Variants in RRP12 observed in about 807,000 individuals in gnomAD.
RRP12 encodes the protein RRP12-like protein.
RRP12 carries 78 observed loss-of-function variants against 157.3 expected under a neutral mutation model. That is an observed-to-expected ratio of 0.50 (90% CI 0.41 to 0.60). The LOEUF (loss-of-function observed/expected upper bound fraction) is 0.60, where lower values mean the gene tolerates loss of function less well. RRP12 is among the 20% of genes least tolerant of loss of function. The probability of loss-of-function intolerance (pLI) is 0.00; values close to 1 mark genes in which losing one functional copy is unlikely to be tolerated. For synonymous variants in RRP12, 726 were observed against 670.9 expected, an observed-to-expected ratio of 1.08 and a Z score of -1.27; for missense variants, 1,521 against 1,679.9, an observed-to-expected ratio of 0.91 and a Z score of 1.65.
chr10:97,374,958 G>C (rs12355733), intron 15 of RRP12, among the ~76,000 whole-genome samples: 1 of 152,062 alleles, frequency 6.6e-6, no homozygotes, highest in East Asian at 1.9e-4. Context: ...ATGAGGAGCA[G>C]ACCCTGGGAA....
intron 2 of RRP12, among the ~76,000 whole-genome samples, chr10:97,398,531 G>C (rs1482161241): frequency 6.6e-6 from 1 of 150,588 alleles, no homozygotes; most frequent in Non-Finnish European, 1.5e-5. Context: ...TTTTTTAGTA[G>C]AGATGGGTTT....
chr10:97,398,088 C>T lies in RRP12; in HGVS notation c.370-1787G>A, dbSNP rs1461427136. Among the ~76,000 whole-genome samples the T allele has an allele frequency of 9.4e-5, 6 of 63,626 alleles. 1 individual carries two copies. Among genetic ancestry groups the T allele is most frequent in the Admixed American group, 4.3e-4 (2 of 4,612 alleles). The allele number at this position is 63,626 out of a possible 152,430, so 41.7% of individuals were successfully genotyped here. Reference sequence around the variant, plus strand: ...TTTGAGATGGAGTCTCGCTCTGTTGCCCAGGCCGGACTGCGGACTGCAGTG... The same window carrying T: ...TTTGAGATGGAGTCTCGCTCTGTTGTCCAGGCCGGACTGCGGACTGCAGTG... On this transcript the variant is annotated intron_variant, in intron 2 of 33. Transcript: ENST00000370992.
intron 31 of RRP12, among the ~76,000 whole-genome samples, chr10:97,359,968 G>A (rs1317942150): frequency 1.3e-5 from 2 of 152,258 alleles, no homozygotes; most frequent in Non-Finnish European, 2.9e-5. Context: ...CAGATGCAAA[G>A]CAAGGGCTCT....
chr10:97,373,607 A>G lies in RRP12; in HGVS notation c.1994T>C (p.Leu665Pro). The G allele has an allele frequency of 1.2e-6, 2 of 1,610,490 alleles. No homozygotes were observed. Among genetic ancestry groups the G allele is most frequent in the Non-Finnish European group, 1.7e-6 (2 of 1,178,004 alleles). Residue 665 changes from leucine to proline, a missense_variant, in exon 17 of 34, where the codon CTG (leucine) becomes CCG (proline). Coordinates refer to ENST00000370992, the MANE Select transcript of RRP12 (RefSeq NM_015179.4). ...PDLRVTVCQA[L>P]RTLITKGCQA... ...GCAGCCCTTGGTGATGAGGGTGCGCAGGGCCTGGCACACGGTGACCCTCAG... is the reference window on the plus strand; with the variant it reads ...GCAGCCCTTGGTGATGAGGGTGCGCGGGGCCTGGCACACGGTGACCCTCAG...
intron 4 of RRP12, among the ~76,000 whole-genome samples, chr10:97,392,308 C>G (rs1844830199): frequency 6.6e-6 from 1 of 151,642 alleles, no homozygotes; most frequent in Non-Finnish European, 1.5e-5. Context: ...ATCTCAAGAA[C>G]TTTTTCATCT....
chr10:97,367,285 G>T, intron 25 of RRP12, 153 bp from the exon 26 acceptor site: 1 of 649,798 alleles, frequency 1.5e-6, no homozygotes, highest in Non-Finnish European at 2.7e-6. Context: ...GCCCAGTCAT[G>T]CTTCCCTCGG....
At chr10:97,385,070 G>C (rs11189188) in intron 10 of RRP12, 96 bp downstream of exon 10, 7 of 700,212 alleles carry the variant, frequency 1.0e-5, no homozygotes, top group South Asian at 1.8e-5. Context: ...TGAAGGCCCT[G>C]AGGACCCCCC....
chr10:97,392,658 A>G (rs1014003840), intron 4 of RRP12, among the ~76,000 whole-genome samples: 6 of 150,730 alleles, frequency 4.0e-5, no homozygotes, highest in Non-Finnish European at 8.9e-5. Flanking sequence ...CATGACTTTT[A>G]ATTTTTATTA....
At chr10:97,388,813 C>G (rs556174644) in intron 6 of RRP12, among the ~76,000 whole-genome samples, 189 bp from the exon 7 acceptor site, 28 of 152,224 alleles carry the variant, frequency 1.8e-4, no homozygotes, top group Non-Finnish European at 5.9e-5. Context: ...GCAAGACAAA[C>G]CTCAGTTCAA....
In RRP12 at chr10:97,396,132, CCCA is replaced by C. The variant is rs1445327121; in HGVS notation, c.453+83_453+85del. ...CTGGTCAAGGTTGTCCTTCTCTACC[CCCA>C]CATGCCAGGGGCACTCATCTTCTCG... On this transcript the variant is annotated intron_variant, in intron 3 of 33. Transcript: ENST00000370992. 7.4e-6 allele frequency: 7 copies of C among 951,972 alleles called. No homozygotes were observed. In the African/African-American group the frequency reaches 9.7e-5, roughly 13 times the overall value. 59.0% of individuals were successfully genotyped at this position (951,972 alleles called of 1,614,324 possible). A position where few individuals can be genotyped will look rare whatever the true frequency, so the allele number is the denominator to read the frequency against.
Position 97,380,837 on chromosome 10 carries a change from C to G in RRP12, c.1495G>C (p.Glu499Gln), listed in dbSNP as rs201244153. Residue 499 changes from glutamate to glutamine, a missense_variant, in exon 13 of 34, where the codon GAG becomes CAG. By Grantham distance (29) the Glu-to-Gln change is conservative. Coordinates refer to ENST00000370992, the MANE Select transcript of RRP12 (RefSeq NM_015179.4). ...SVLQLLCVFF[E>Q]ACGRQAHPVM... ...GGGTGGGCCTGTCTCCCACACGCCTCGAAGAAGACACACAGCAGCTGCAAC... is the reference window on the plus strand; with the variant it reads ...GGGTGGGCCTGTCTCCCACACGCCTGGAAGAAGACACACAGCAGCTGCAAC... The G allele has an allele frequency of 1.2e-6, 2 of 1,614,174 alleles. No individual in the cohort carries two copies. The highest frequency in any genetic ancestry group is 1.7e-6 in the Non-Finnish European group (2 of 1,180,010).
At chr10:97,368,219 A>G (rs1221162061) in intron 25 of RRP12, among the ~76,000 whole-genome samples, 1 of 150,834 alleles carries the variant, frequency 6.6e-6, no homozygotes, top group South Asian at 2.1e-4. Flanking sequence ...TTTAGTAGAG[A>G]TGGGGCTTCA....
At chr10:97,391,779 G>C (rs1277193346) in intron 4 of RRP12, among the ~76,000 whole-genome samples, 1 of 152,028 alleles carries the variant, frequency 6.6e-6, no homozygotes, top group Non-Finnish European at 1.5e-5. Context: ...CAATTAGCCA[G>C]ACGTGGTGGC....
chr10:97,358,832 T>C lies in RRP12; in HGVS notation c.3708+111A>G, dbSNP rs187655961. Reference sequence around the variant, plus strand: ...ACCCCTTCTTCTTTCCTGGCCTCAGTTGAGTTCCAGGAAGGTGCCTCTCAG... The same window carrying C: ...ACCCCTTCTTCTTTCCTGGCCTCAGCTGAGTTCCAGGAAGGTGCCTCTCAG... On this transcript the variant is annotated intron_variant, in intron 32 of 33. Coordinates refer to ENST00000370992, the MANE Select transcript of RRP12 (RefSeq NM_015179.4). The C allele has an allele frequency of 5.1e-5, 47 of 923,746 alleles. No individual in the cohort carries two copies. In the East Asian group the frequency reaches 7.7e-4, roughly 15 times the overall value. The allele number at this position is 923,746 out of a possible 1,614,324, so 57.2% of individuals were successfully genotyped here.
intron 17 of RRP12, 107 bp from the exon 18 acceptor site, chr10:97,373,307 T>G: frequency 8.1e-7 from 1 of 1,239,132 alleles, no homozygotes; most frequent in Non-Finnish European, 1.1e-6. Context: ...CTGGCAGGAC[T>G]TGGAATCCAT....
At chr10:97,375,443 T>C (rs191631619) in intron 15 of RRP12, among the ~76,000 whole-genome samples, 61 of 152,170 alleles carry the variant, frequency 4.0e-4, no homozygotes, top group African/African-American at 1.4e-3. Flanking sequence ...ACTGGAACCC[T>C]AATGAGAAAG....
Position 97,358,589 on chromosome 10 carries a change from G to A in RRP12, c.3739C>T (p.Arg1247Trp), listed in dbSNP as rs750539231. 53 of 1,613,842 alleles carry A rather than the reference G, an allele frequency of 3.3e-5. No individual in the cohort carries two copies. The highest frequency in any genetic ancestry group is 4.1e-5 in the Non-Finnish European group (48 of 1,179,980). ...GGGATGTAGGCATAGGGATCCGGCC[G>A]GCCTTTCTTCTTCACATCACCTTTT... ...KAKGDVKKKG[R>W]PDPYAYIPLN... The change falls in exon 33 of 34, where the codon CGG becomes TGG. Residue 1247 changes from arginine (R) to tryptophan (W), a missense_variant. Coordinates refer to ENST00000370992, the MANE Select transcript of RRP12 (RefSeq NM_015179.4).
At chr10:97,374,459 G>T (rs1046753429) in intron 15 of RRP12, among the ~76,000 whole-genome samples, 6 of 149,132 alleles carry the variant, frequency 4.0e-5, no homozygotes, top group African/African-American at 1.5e-4. Context: ...ACTGCACCCA[G>T]CCACATGCCC....
chr10:97,362,830 C>T (rs778280860), intron 30 of RRP12, among the ~76,000 whole-genome samples: 9 of 152,178 alleles, frequency 5.9e-5, no homozygotes, highest in Non-Finnish European at 8.8e-5. Context: ...AACTCCTCCT[C>T]GGGCCACACT....
Sources: gnomAD v4.1 joint callset for allele counts (sites outside exome capture counted in the v4.1 genomes callset) on GRCh38, gnomAD v4.1.1 for gene constraint, MANE v1.5 for transcripts, NCBI Gene and HGNC (gene_info 2026-07-23, HGNC 2026-07-21) for gene names.